Variants in PTPRU observed in about 807,000 individuals in gnomAD.
The protein encoded by PTPRU is protein tyrosine phosphatase receptor type U, also known as receptor-type tyrosine-protein phosphatase U.
In PTPRU, 69 loss-of-function variants were observed where a neutral mutation model predicts 166.3. The ratio of observed to expected loss-of-function variants is 0.41; its 90% CI spans 0.34 to 0.51. PTPRU has a LOEUF of 0.51. Ranked by LOEUF, PTPRU falls within the 20% of genes least tolerant of loss-of-function variation. The pLI is 0.09. For synonymous variants in PTPRU, 793 were observed against 814.0 expected (o/e 0.97, Z 0.44); for missense variants, 1,657 against 2,013.7 (o/e 0.82, Z 3.39).
Position 29,315,096 on chromosome 1 carries a change from G to A in PTPRU, c.3228-276G>A, listed in dbSNP as rs935266584. On this transcript the variant is annotated intron_variant, in intron 22 of 29. Coordinates refer to ENST00000373779, the MANE Select transcript of PTPRU (RefSeq NM_133178.4). This position sits in a 1 kb window ranked among gnomAD's most constrained non-coding sequence, Gnocchi z 4.5. ...CATTCCTGTTCTCTCCTAATCTTAA[G>A]TTGCTAGGTTGAGCCAGTGTCACCT... Among the ~76,000 whole-genome samples the A allele has an allele frequency of 6.6e-6, 1 of 152,146 alleles. No individual in the cohort carries two copies. The highest frequency in any genetic ancestry group is 2.4e-5 in the African/African-American group (1 of 41,434).
intron 11 of PTPRU, among the ~76,000 whole-genome samples, chr1:29,281,117 T>TGG (rs143002311): frequency 6.6e-6 from 1 of 151,262 alleles, no homozygotes; most frequent in African/African-American, 2.4e-5. Context: ...AGCCTTTAGG[T>TGG]GGGGGGGGTG....
chr1:29,303,139 G>A (rs1247512435), intron 15 of PTPRU, among the ~76,000 whole-genome samples: 1 of 152,230 alleles, frequency 6.6e-6, no homozygotes, highest in Non-Finnish European at 1.5e-5. Flanking sequence ...GGGCGTGCGT[G>A]TCCCAAGGCG....
In PTPRU at chr1:29,275,700, C is replaced by T. The variant is rs1159666780; in HGVS notation, c.1397C>T (p.Thr466Ile). ...AACGTTCACGTGAGGCTTGTCCTCA[C>T]TAACCCTGAGGGGCGCAAAGAGGGC... ...YRNVHVRLVL[T>I]NPEGRKEGKE... The change falls in exon 8 of 30, where the codon ACT (threonine) becomes ATT (isoleucine). Residue 466 changes from threonine to isoleucine, a missense_variant. Around this residue, in one of 3 missense-constraint regions of PTPRU, gnomAD observed 1,190 missense variants for 1,477.4 expected, o/e 0.81. Coordinates refer to ENST00000373779, the MANE Select transcript of PTPRU (RefSeq NM_133178.4). 2 of 1,614,078 alleles carry T rather than the reference C, an allele frequency of 1.2e-6. No homozygotes were observed. The highest frequency in any genetic ancestry group is 1.3e-5 in the African/African-American group (1 of 74,910).
chr1:29,276,681 C>T (rs1338894754), intron 8 of PTPRU, among the ~76,000 whole-genome samples: 2 of 152,112 alleles, frequency 1.3e-5, no homozygotes, highest in Admixed American at 6.6e-5. Context: ...TTTTTCATTT[C>T]TGATATTGGT....
At chr1:29,249,374 C>T (rs976963412) in intron 1 of PTPRU, among the ~76,000 whole-genome samples, 3 of 152,250 alleles carry the variant, frequency 2.0e-5, no homozygotes, top group Non-Finnish European at 4.4e-5. Flanking sequence ...CTCAGGCAAC[C>T]GCCTGCCAGA....
At chr1:29,302,847 C>T (rs1047154874) in intron 15 of PTPRU, among the ~76,000 whole-genome samples, 2 of 152,294 alleles carry the variant, frequency 1.3e-5, no homozygotes, top group African/African-American at 4.8e-5. Context: ...CCACACCCGG[C>T]CCATTTATTA....
chr1:29,325,350 A>T, intron 29 of PTPRU, 24 bp downstream of exon 29: 1 of 1,612,716 alleles, frequency 6.2e-7, no homozygotes, highest in Non-Finnish European at 8.5e-7. Flanking sequence ...TCCCGTGCCC[A>T]GCCACTTCCA....
intron 17 of PTPRU, 68 bp from the exon 18 acceptor site, chr1:29,305,284 A>G: frequency 6.7e-7 from 1 of 1,487,370 alleles, no homozygotes; most frequent in South Asian, 1.1e-5. Flanking sequence ...GCCTCCAGGA[A>G]TCCCTCCCTG....
At chr1:29,295,565 A>G (rs1193910474) in intron 15 of PTPRU, among the ~76,000 whole-genome samples, 2 of 152,162 alleles carry the variant, frequency 1.3e-5, no homozygotes, top group African/African-American at 4.8e-5. Context: ...TTTTAGATAG[A>G]TGTCCCTAGG....
At chr1:29,259,220 G>C in intron 3 of PTPRU, 41 bp from the exon 4 acceptor site, 1 of 1,579,526 alleles carries the variant, frequency 6.3e-7, no homozygotes, top group South Asian at 1.1e-5. Context: ...GGCAAGGCTG[G>C]AGGAATATCA....
Position 29,259,475 on chromosome 1 carries a change from GGCGACGTGGAGGTCAACGCGGGCCAGAAC to G in PTPRU, c.590_618del (p.Asp197ValfsTer70). The stretch of plus-strand genomic sequence containing the variant: ...AAAGGCCCCACACTTCTCCCGCCTG[GGCGACGTGGAGGTCAACGCGGGCCAGAAC>G]GCGTCGTTCCAGTGCATGGCCGCGG... On this transcript the variant is annotated frameshift_variant, in exon 5 of 30. Coordinates refer to ENST00000373779, the MANE Select transcript of PTPRU (RefSeq NM_133178.4). LOFTEE classifies it high-confidence loss of function. 3 of 1,612,260 alleles carry G rather than the reference GGCGACGTGGAGGTCAACGCGGGCCAGAAC, an allele frequency of 1.9e-6. No individual in the cohort carries two copies. Among genetic ancestry groups the G allele is most frequent in the Non-Finnish European group, 2.5e-6 (3 of 1,178,920 alleles).
intron 22 of PTPRU, among the ~76,000 whole-genome samples, chr1:29,314,706 T>A (rs1461256449): frequency 6.6e-6 from 1 of 152,004 alleles, no homozygotes; most frequent in African/African-American, 2.4e-5. Context: ...GCCTCCTGAG[T>A]AGCTGGAATT....
Position 29,279,306 on chromosome 1 carries a change from C to T in PTPRU, c.1564-150C>T, listed in dbSNP as rs111548091. On this transcript the variant is annotated intron_variant, in intron 9 of 29. Coordinates refer to ENST00000373779, the MANE Select transcript of PTPRU (RefSeq NM_133178.4). This position sits in a 1 kb window ranked among gnomAD's most constrained non-coding sequence, Gnocchi z 5.2. The stretch of plus-strand genomic sequence containing the variant: ...GGGTCCTGAAGGCAGGAGGGAGAGC[C>T]GAAGATGACTAGAAGCCTGGCTTGA... 2.7e-3 allele frequency: 2,811 copies of T among 1,029,082 alleles called. 71 individuals carry two copies. The African/African-American group carries it at 0.038, about 14-fold the overall frequency. The allele number at this position is 1,029,082 out of a possible 1,614,324, so 63.7% of individuals were successfully genotyped here.
At chr1:29,284,374 C>T (rs1190035382) in intron 13 of PTPRU, among the ~76,000 whole-genome samples, 1 of 152,150 alleles carries the variant, frequency 6.6e-6, no homozygotes, top group African/African-American at 2.4e-5. Flanking sequence ...GATGGACTAA[C>T]CATGCCCTAG....
At chr1:29,239,629 G>T (rs1052462598) in intron 1 of PTPRU, among the ~76,000 whole-genome samples, 1 of 152,108 alleles carries the variant, frequency 6.6e-6, no homozygotes, top group Admixed American at 6.6e-5. Flanking sequence ...GGCATATGGG[G>T]TGGCCTTTCC....
chr1:29,283,425 C>T (rs2151954311), intron 12 of PTPRU, among the ~76,000 whole-genome samples: 1 of 151,560 alleles, frequency 6.6e-6, no homozygotes, highest in Non-Finnish European at 1.5e-5. Flanking sequence ...TCTCAGGCTC[C>T]TCCTTTCTAT....
chr1:29,289,542 A>G, intron 14 of PTPRU: 1 of 922,512 alleles, frequency 1.1e-6, no homozygotes, highest in Non-Finnish European at 1.7e-6. Flanking sequence ...GGTCCTCCTG[A>G]CCTGTTCAGT....
chr1:29,303,528 CG>C (rs1052801821), intron 15 of PTPRU, among the ~76,000 whole-genome samples: 160 of 152,328 alleles, frequency 1.1e-3, no homozygotes, highest in African/African-American at 3.6e-3. Context: ...ATGGGCTCTG[CG>C]GAGTGCTGCC....
chr1:29,249,302 C>T (rs1684440782), intron 1 of PTPRU, among the ~76,000 whole-genome samples: 1 of 152,266 alleles, frequency 6.6e-6, no homozygotes, highest in Non-Finnish European at 1.5e-5. Flanking sequence ...TCACCCCATC[C>T]TGAGCCCAGC....
Sources: allele counts gnomAD v4.1 joint callset (sites outside exome capture counted in the v4.1 genomes callset), GRCh38; gene constraint gnomAD v4.1.1; regional missense constraint gnomAD v4.1.1; non-coding constraint Gnocchi (gnomAD v3.1); transcripts MANE v1.5; gene names NCBI Gene and HGNC (gene_info 2026-07-23, HGNC 2026-07-21).